The following ATP9B variants were observed in gnomAD, a reference collection of about 807,000 sequenced individuals.
ATP9B encodes probable phospholipid-transporting ATPase IIB.
In ATP9B, 110 loss-of-function variants were observed where a neutral mutation model predicts 146.1. The observed-to-expected ratio is 0.75, with a 90% CI of 0.65 to 0.88. The LOEUF is 0.88. Among genes scored for constraint, ATP9B ranks in the 40% least tolerant of loss-of-function variants. ATP9B has a pLI of 0.00. For missense variants in ATP9B, 1,499 were observed against 1,496.4 expected, an observed-to-expected ratio of 1.00 and a Z score of -0.03; for synonymous variants, 604 against 569.7, an observed-to-expected ratio of 1.06 and a Z score of -0.86.
intron 27 of ATP9B, among the ~76,000 whole-genome samples, chr18:79,373,147 G>A (rs8086293): frequency 0.058 from 8,807 of 151,546 alleles, 462 homozygotes; most frequent in African/African-American, 0.14. Context: ...TTACCACATT[G>A]TATACCCTGC....
At chr18:79,281,064 A>G (rs567943737) in intron 13 of ATP9B, among the ~76,000 whole-genome samples, 2 of 152,336 alleles carry the variant, frequency 1.3e-5, no homozygotes, top group East Asian at 1.9e-4. Flanking sequence ...AGTAAAATAA[A>G]TTCAAGGAAA....
At position 79,229,661 on chromosome 18, in the gene ATP9B, T is replaced by C. The variant is rs190710668; in HGVS notation, c.1107+15623T>C. Among the ~76,000 whole-genome samples the C allele has an allele frequency of 1.8e-3, 272 of 152,338 alleles. 1 individual carries two copies. The highest frequency in any genetic ancestry group is 6.0e-3 in the African/African-American group (250 of 41,578). On this transcript the variant is annotated intron_variant, in intron 11 of 29. Transcript: ENST00000426216. ...CTTCACAGACACGTCAGGTTACTGC[T>C]GCGTGTTTCTAGATGCAAGAAGAAA...
chr18:79,156,483 G>A (rs757764742), intron 7 of ATP9B, among the ~76,000 whole-genome samples: 16 of 152,172 alleles, frequency 1.1e-4, no homozygotes, highest in Non-Finnish European at 1.8e-4. Context: ...CAAAGCTTCC[G>A]TCAGCCTGGT....
At chr18:79,119,909 TA>T (rs747825930) in intron 4 of ATP9B, among the ~76,000 whole-genome samples, 6 of 152,208 alleles carry the variant, frequency 3.9e-5, no homozygotes, top group Non-Finnish European at 7.4e-5. Flanking sequence ...TTGATTCTTT[TA>T]AAAAGCTTTT....
intron 29 of ATP9B, among the ~76,000 whole-genome samples, chr18:79,376,716 G>C (rs1220104621): frequency 8.2e-6 from 1 of 122,232 alleles, no homozygotes; most frequent in African/African-American, 3.0e-5. Context: ...TTTTTTTTGA[G>C]ATGGAGTCTC....
chr18:79,143,133 A>G (rs2094534102), intron 5 of ATP9B, among the ~76,000 whole-genome samples: 1 of 152,068 alleles, frequency 6.6e-6, no homozygotes, highest in Non-Finnish European at 1.5e-5. Flanking sequence ...GAGGGAATGA[A>G]TTTGCCTGTT....
intron 4 of ATP9B, 28 bp downstream of exon 4, chr18:79,113,382 A>T: frequency 7.9e-7 from 1 of 1,273,804 alleles, no homozygotes; most frequent in Non-Finnish European, 1.1e-6. Context: ...AAATTAAGTT[A>T]AATTATGAAA....
chr18:79,210,199 G>C (rs996804083), intron 10 of ATP9B, among the ~76,000 whole-genome samples: 1 of 152,176 alleles, frequency 6.6e-6, no homozygotes, highest in Non-Finnish European at 1.5e-5. Context: ...TGCAGAACTG[G>C]GTCCTGGAGA....
intron 8 of ATP9B, among the ~76,000 whole-genome samples, chr18:79,186,491 GTTT>G (rs2095309306): frequency 6.6e-6 from 1 of 151,918 alleles, no homozygotes. Context: ...TTGCCAGCCT[GTTT>G]TTTATTTTCA....
At chr18:79,301,131 G>A (rs1009593765) in intron 13 of ATP9B, among the ~76,000 whole-genome samples, 2 of 152,154 alleles carry the variant, frequency 1.3e-5, no homozygotes. Context: ...TTAATGTAAG[G>A]TTTCATTATC....
At chr18:79,328,040 T>A (rs113583010) in intron 15 of ATP9B, among the ~76,000 whole-genome samples, 1 of 126,438 alleles carries the variant, frequency 7.9e-6, no homozygotes, top group Non-Finnish European at 1.7e-5. Context: ...CTCTCCGTGG[T>A]TAGCGTGCTC....
At chr18:79,133,508 AACACACACACAC>A (rs370697424) in intron 5 of ATP9B, among the ~76,000 whole-genome samples, 1 of 147,892 alleles carries the variant, frequency 6.8e-6, no homozygotes, top group South Asian at 2.2e-4. Flanking sequence ...AGTGGTTATA[AACACACACACAC>A]ACACACACAC....
At chr18:79,176,088 C>T (rs2095164622) in intron 7 of ATP9B, among the ~76,000 whole-genome samples, 1 of 152,300 alleles carries the variant, frequency 6.6e-6, no homozygotes, top group African/African-American at 2.4e-5. Context: ...TTACTTTCTT[C>T]TCTCTGTATT....
chr18:79,296,765 A>G (rs1386916667), intron 13 of ATP9B, among the ~76,000 whole-genome samples: 1 of 152,196 alleles, frequency 6.6e-6, no homozygotes, highest in African/African-American at 2.4e-5. Context: ...TTTGGCTGCT[A>G]TTTAGGAGTC....
rs187956702 is a variant in ATP9B, at chr18:79,352,211, A to G, written c.2903+4015A>G. On this transcript the variant is annotated intron_variant, in intron 25 of 29. Transcript: ENST00000426216. ...CATTCCTGGGTGTGGGTCTTCTTTT[A>G]CCCTTGCTAGTGACTCAGATGGATA... Among the ~76,000 whole-genome samples the G allele has an allele frequency of 2.0e-4, 30 of 152,238 alleles. 1 individual carries two copies. The East Asian group carries it at 5.8e-3, about 29-fold the overall frequency.
At chr18:79,211,996 TG>T (rs1248987012) in intron 10 of ATP9B, among the ~76,000 whole-genome samples, 1 of 152,232 alleles carries the variant, frequency 6.6e-6, no homozygotes, top group East Asian at 1.9e-4. Context: ...CGACACAAAA[TG>T]AGTTTATCAT....
intron 7 of ATP9B, among the ~76,000 whole-genome samples, chr18:79,155,758 T>C (rs1376195032): frequency 9.0e-6 from 1 of 111,560 alleles, no homozygotes; most frequent in East Asian, 2.3e-4. Context: ...TCTCTCTTTT[T>C]TTTTTTTTTT....
chr18:79,290,446 G>A (rs974936806), intron 13 of ATP9B, among the ~76,000 whole-genome samples: 5 of 152,174 alleles, frequency 3.3e-5, no homozygotes, highest in African/African-American at 1.2e-4. Flanking sequence ...CTCATGGTGC[G>A]CCCTTTTTTA....
intron 1 of ATP9B, among the ~76,000 whole-genome samples, chr18:79,092,608 T>C (rs1386628278): frequency 2.6e-5 from 4 of 151,812 alleles, no homozygotes; most frequent in Non-Finnish European, 5.9e-5. Flanking sequence ...ATATGCTTTT[T>C]TCTTTTTTAA....
Sources: gnomAD v4.1 joint callset for allele counts (sites outside exome capture counted in the v4.1 genomes callset) on GRCh38, gnomAD v4.1.1 for gene constraint, MANE v1.5 for transcripts, NCBI Gene and HGNC (gene_info 2026-07-23, HGNC 2026-07-21) for gene names.